RALYL: variants seen among roughly 807,000 people sequenced by gnomAD.
The protein encoded by RALYL is RALY RNA binding protein like.
Under a neutral mutation model 35.1 loss-of-function variants are expected in RALYL, and 29 were observed. The ratio of observed to expected loss-of-function variants is 0.83; its 90% CI spans 0.61 to 1.13. RALYL has a LOEUF of 1.13. Ranked by LOEUF, RALYL falls within the 50% of genes most tolerant of loss-of-function variation. The pLI, the probability that RALYL is intolerant of heterozygous loss-of-function variation, is 0.00. For missense variants in RALYL, 359 were observed against 360.4 expected, an observed-to-expected ratio of 1.00 and a Z score of 0.03; for synonymous variants, 120 against 127.6, an observed-to-expected ratio of 0.94 and a Z score of 0.40.
intron 1 of RALYL, among the ~76,000 whole-genome samples, chr8:84,519,201 T>C (rs1460052058): frequency 2.0e-5 from 3 of 152,204 alleles, no homozygotes; most frequent in Non-Finnish European, 4.4e-5. Context: ...AAGGTGAATA[T>C]ACAGTTATAT....
intron 2 of RALYL, among the ~76,000 whole-genome samples, chr8:84,764,360 C>A (rs887151998): frequency 2.0e-5 from 3 of 152,152 alleles, no homozygotes; most frequent in African/African-American, 7.2e-5. Flanking sequence ...ATTATTTGAT[C>A]AATGAAAATG....
chr8:84,311,053 C>CAAAAAAAAAAAAAAAAAA (rs34029529), intron 1 of RALYL, among the ~76,000 whole-genome samples: 3 of 9,530 alleles, frequency 3.1e-4, no homozygotes, highest in African/African-American at 1.2e-3. Flanking sequence ...GACTCCGTCT[C>CAAAAAAAAAAAAAAAAAA]AAAAAAAAAA....
intron 2 of RALYL, among the ~76,000 whole-genome samples, chr8:84,628,502 T>C (rs201835519): frequency 1.3e-5 from 2 of 152,146 alleles, no homozygotes; most frequent in Admixed American, 6.6e-5. Context: ...TACTACATTA[T>C]TTAAGTCCTA....
chr8:84,689,011 A>G (rs1837434198), intron 2 of RALYL, among the ~76,000 whole-genome samples: 1 of 152,142 alleles, frequency 6.6e-6, no homozygotes, highest in African/African-American at 2.4e-5. Flanking sequence ...CCAAACCGCA[A>G]TAAGATATTA....
At chr8:84,572,851 T>C (rs899532849) in intron 2 of RALYL, among the ~76,000 whole-genome samples, 1 of 151,612 alleles carries the variant, frequency 6.6e-6, no homozygotes, top group Admixed American at 6.6e-5. Flanking sequence ...ATTTGTCCAC[T>C]CACTGTTCTA....
At position 84,704,205 on chromosome 8, in the gene RALYL, A is replaced by G. The variant is rs1207331429; in HGVS notation, c.257-70374A>G. 2.0e-5 allele frequency among the ~76,000 whole-genome samples: 3 copies of G among 152,250 alleles called. No individual in the cohort carries two copies. In the East Asian group the frequency reaches 5.8e-4, roughly 29 times the overall value. On this transcript the variant is annotated intron_variant, in intron 2 of 8. Coordinates refer to ENST00000521268, the MANE Select transcript of RALYL (RefSeq NM_173848.7). ...TTTGGGAGGCCAAGGTGGGCGGATC[A>G]CCTGAGGTCAGGAGTTCGAGATCAG...
At chr8:84,520,884 A>G (rs2058406312) in intron 1 of RALYL, among the ~76,000 whole-genome samples, 2 of 152,294 alleles carry the variant, frequency 1.3e-5, no homozygotes, top group African/African-American at 4.8e-5. Context: ...CCCTGGTGCC[A>G]AACAGTTTGG....
At chr8:84,600,074 A>G (rs1033456586) in intron 2 of RALYL, among the ~76,000 whole-genome samples, 3 of 151,894 alleles carry the variant, frequency 2.0e-5, no homozygotes, top group African/African-American at 7.3e-5. Flanking sequence ...ACACTTATAG[A>G]TTTTCACAGT....
chr8:84,781,678 C>G (rs1467682837), intron 3 of RALYL, among the ~76,000 whole-genome samples: 1 of 152,076 alleles, frequency 6.6e-6, no homozygotes, highest in African/African-American at 2.4e-5. Flanking sequence ...AGAAAAGTAG[C>G]AAGAGTCAAT....
chr8:84,769,299 G>C (rs968368749), intron 2 of RALYL, among the ~76,000 whole-genome samples: 2 of 151,964 alleles, frequency 1.3e-5, no homozygotes, highest in Non-Finnish European at 2.9e-5. Flanking sequence ...GTGATTCTTG[G>C]GTCTTTCCTC....
At chr8:84,558,336 G>C (rs1188961632) in intron 2 of RALYL, among the ~76,000 whole-genome samples, 1 of 151,950 alleles carries the variant, frequency 6.6e-6, no homozygotes, top group Non-Finnish European at 1.5e-5. Flanking sequence ...TCCAAATTAG[G>C]TATTCATTTA....
intron 3 of RALYL, among the ~76,000 whole-genome samples, chr8:84,776,924 A>C (rs1016036513): frequency 6.6e-6 from 1 of 152,236 alleles, no homozygotes; most frequent in Non-Finnish European, 1.5e-5. Flanking sequence ...GTTTACACAA[A>C]TTAAGGCTGT....
At chr8:84,352,581 T>G (rs1375893832) in intron 1 of RALYL, among the ~76,000 whole-genome samples, 1 of 150,350 alleles carries the variant, frequency 6.7e-6, no homozygotes, top group African/African-American at 2.5e-5. Flanking sequence ...AGGTCAAGAC[T>G]GAATAGTCAG....
chr8:84,226,951 C>A (rs541542614), intron 1 of RALYL, among the ~76,000 whole-genome samples: 2 of 151,666 alleles, frequency 1.3e-5, no homozygotes, highest in Non-Finnish European at 2.9e-5. Context: ...GACTAGAGTA[C>A]CTTGCATGAT....
intron 2 of RALYL, among the ~76,000 whole-genome samples, chr8:84,727,565 G>A (rs1463788315): frequency 1.3e-5 from 2 of 151,666 alleles, no homozygotes; most frequent in African/African-American, 4.8e-5. Flanking sequence ...CTGGTGCGCT[G>A]CACCCACTAA....
At chr8:84,654,954 G>A (rs1169403341) in intron 2 of RALYL, among the ~76,000 whole-genome samples, 1 of 152,000 alleles carries the variant, frequency 6.6e-6, no homozygotes, top group Non-Finnish European at 1.5e-5. Context: ...ATACCTAGCG[G>A]TGGGATTGCT....
At chr8:84,451,490 GA>G (rs1563954383) in intron 1 of RALYL, among the ~76,000 whole-genome samples, 2 of 151,852 alleles carry the variant, frequency 1.3e-5, no homozygotes, top group African/African-American at 4.8e-5. Context: ...TTTATATACA[GA>G]ATGTACATAT....
intron 1 of RALYL, among the ~76,000 whole-genome samples, chr8:84,291,501 A>G (rs1444135606): frequency 6.6e-6 from 1 of 152,168 alleles, no homozygotes; most frequent in Non-Finnish European, 1.5e-5. Flanking sequence ...GTTGAATTAT[A>G]TTTTCTCTAG....
intron 1 of RALYL, among the ~76,000 whole-genome samples, chr8:84,368,560 C>G (rs879414763): frequency 1.3e-5 from 2 of 152,158 alleles, no homozygotes; most frequent in Non-Finnish European, 2.9e-5. Flanking sequence ...CACAGTTCCA[C>G]GTAGCTGGGG....
Sources: gnomAD v4.1 joint callset for allele counts (sites outside exome capture counted in the v4.1 genomes callset) on GRCh38, gnomAD v4.1.1 for gene constraint, MANE v1.5 for transcripts, NCBI Gene and HGNC (gene_info 2026-07-23, HGNC 2026-07-21) for gene names.